Variants in TENM4 observed in about 807,000 individuals in gnomAD.
TENM4 encodes teneurin transmembrane protein 4, also known as teneurin-4.
A neutral mutation model predicts 243.3 loss-of-function variants in TENM4; 82 were observed. The observed-to-expected ratio is 0.34, with a 90% CI of 0.28 to 0.40. TENM4 has a LOEUF of 0.40. Ranked by LOEUF, TENM4 falls within the 10% of genes least tolerant of loss-of-function variation. The probability of loss-of-function intolerance (pLI) is 1.00; values close to 1 mark genes in which losing one functional copy is unlikely to be tolerated. For missense variants in TENM4, 3,138 were observed against 3,673.3 expected (o/e 0.85, Z 3.77); for synonymous variants, 1,412 against 1,456.3 (o/e 0.97, Z 0.69).
In TENM4 at chr11:79,244,193, G is replaced by A. The variant is rs183850467; in HGVS notation, c.-264-28284C>T. Among the ~76,000 whole-genome samples the A allele has an allele frequency of 2.6e-4, 40 of 152,324 alleles. No homozygotes were observed. In the East Asian group the frequency reaches 7.3e-3, roughly 28 times the overall value. On this transcript the variant is annotated intron_variant, in intron 2 of 33. Transcript: ENST00000278550. Reference sequence around the variant, plus strand: ...AACTTGCATTTTATAAAAGTCCCAGGTGAGGCTAATGCTCCTGGCTCGGGG... The same window carrying A: ...AACTTGCATTTTATAAAAGTCCCAGATGAGGCTAATGCTCCTGGCTCGGGG...
chr11:79,091,327 TC>T (rs1860944158), intron 4 of TENM4, among the ~76,000 whole-genome samples: 1 of 152,208 alleles, frequency 6.6e-6, no homozygotes, highest in Admixed American at 6.5e-5. Flanking sequence ...AAGAAGTCCG[TC>T]ATAAATGGCT....
At chr11:79,224,996 T>C (rs1363674013) in intron 2 of TENM4, among the ~76,000 whole-genome samples, 3 of 150,742 alleles carry the variant, frequency 2.0e-5, no homozygotes, top group African/African-American at 7.3e-5. Context: ...GAGACAGATA[T>C]ACACACAGGG....
intron 1 of TENM4, among the ~76,000 whole-genome samples, chr11:79,425,138 C>T (rs568659645): frequency 6.6e-6 from 1 of 152,162 alleles, no homozygotes; most frequent in Non-Finnish European, 1.5e-5. Context: ...CAGAGCCCAG[C>T]TCACTCCGCA....
chr11:79,080,402 C>T (rs1266723366), intron 4 of TENM4, among the ~76,000 whole-genome samples: 1 of 152,198 alleles, frequency 6.6e-6, no homozygotes, highest in Non-Finnish European at 1.5e-5. Flanking sequence ...GGTAGGGGGG[C>T]ACTGCATCAG....
At chr11:79,354,021 C>G (rs1857457723) in intron 1 of TENM4, among the ~76,000 whole-genome samples, 1 of 152,224 alleles carries the variant, frequency 6.6e-6, no homozygotes, top group Admixed American at 6.5e-5. Context: ...AACCTAGACT[C>G]ACCGCTTTTC....
Position 79,400,427 on chromosome 11 carries a change from C to T in TENM4, c.-321+40082G>A, listed in dbSNP as rs1014648900. 9.9e-5 allele frequency among the ~76,000 whole-genome samples: 15 copies of T among 152,152 alleles called. 1 individual carries two copies. The highest frequency in any genetic ancestry group is 9.2e-4 in the Admixed American group (14 of 15,280). On this transcript the variant is annotated intron_variant, in intron 1 of 33. Coordinates refer to ENST00000278550, the MANE Select transcript of TENM4 (RefSeq NM_001098816.3). Reference sequence around the variant, plus strand: ...CACAGACTTTGTGAAGGGCTTTGTGCCTTCGGGGCTAAACTCCTCTATGCT... The same window carrying T: ...CACAGACTTTGTGAAGGGCTTTGTGTCTTCGGGGCTAAACTCCTCTATGCT...
chr11:79,082,938 G>A (rs1274818551), intron 4 of TENM4, among the ~76,000 whole-genome samples: 2 of 152,118 alleles, frequency 1.3e-5, no homozygotes, highest in Non-Finnish European at 2.9e-5. Context: ...GGGTGGCCAG[G>A]CAACTTTTAT....
chr11:79,153,509 G>A (rs1000536332), intron 3 of TENM4, among the ~76,000 whole-genome samples: 43 of 152,130 alleles, frequency 2.8e-4, no homozygotes, highest in Admixed American at 2.1e-3. Context: ...CCCGACTTGG[G>A]TAAGGAGCAC....
intron 6 of TENM4, among the ~76,000 whole-genome samples, chr11:78,918,158 G>C (rs1856363725): frequency 6.6e-6 from 1 of 152,070 alleles, no homozygotes; most frequent in Non-Finnish European, 1.5e-5. Flanking sequence ...CGTTTCACCT[G>C]GCATGCAGTA....
intron 20 of TENM4, among the ~76,000 whole-genome samples, chr11:78,733,120 A>T (rs1192623427): frequency 6.6e-6 from 1 of 152,204 alleles, no homozygotes; most frequent in Non-Finnish European, 1.5e-5. Context: ...CTTAGCTCTA[A>T]TTGTGATAGA....
At chr11:79,323,833 G>A (rs77896310) in intron 1 of TENM4, among the ~76,000 whole-genome samples, 1,955 of 152,102 alleles carry the variant, frequency 0.013, 47 homozygotes, top group African/African-American at 0.045. Flanking sequence ...TCCTACAATC[G>A]TGTGAGTCAA....
chr11:79,240,559 A>G (rs1864570601), intron 2 of TENM4, among the ~76,000 whole-genome samples: 1 of 152,174 alleles, frequency 6.6e-6, no homozygotes, highest in East Asian at 1.9e-4. Flanking sequence ...CACACAACTA[A>G]TAAATGGTAA....
At chr11:79,113,952 G>A (rs1368480937) in intron 4 of TENM4, among the ~76,000 whole-genome samples, 3 of 152,166 alleles carry the variant, frequency 2.0e-5, no homozygotes, top group Non-Finnish European at 4.4e-5. Flanking sequence ...ATGAGTTAAG[G>A]GAATTCATGA....
intron 15 of TENM4, 68 bp from the exon 16 acceptor site, chr11:78,787,151 G>T: frequency 6.9e-7 from 1 of 1,455,582 alleles, no homozygotes. Context: ...AGAGGGGCAG[G>T]GGAGAGAGGA....
At chr11:78,986,015 G>A (rs1288133778) in intron 6 of TENM4, among the ~76,000 whole-genome samples, 1 of 152,192 alleles carries the variant, frequency 6.6e-6, no homozygotes, top group Non-Finnish European at 1.5e-5. Context: ...GGTGTATCAA[G>A]AGATGAAGCA....
At chr11:79,111,334 A>G (rs748243974) in intron 4 of TENM4, among the ~76,000 whole-genome samples, 14 of 152,168 alleles carry the variant, frequency 9.2e-5, no homozygotes, top group Non-Finnish European at 1.6e-4. Flanking sequence ...TTACAAGGTC[A>G]GGAGATTGAG....
intron 3 of TENM4, chr11:79,193,016 C>G (rs960490915): frequency 2.6e-5 from 4 of 152,468 alleles, no homozygotes; most frequent in Admixed American, 6.5e-5. Flanking sequence ...TCCCCTTCCT[C>G]TCCAGCCTCC....
intron 1 of TENM4, among the ~76,000 whole-genome samples, chr11:79,299,737 G>A (rs1009157964): frequency 2.0e-5 from 3 of 152,170 alleles, no homozygotes; most frequent in South Asian, 2.1e-4. Context: ...ATCCCAACCC[G>A]GTCAGGGGAA....
At chr11:79,171,336 G>T (rs1863034786) in intron 3 of TENM4, among the ~76,000 whole-genome samples, 1 of 152,220 alleles carries the variant, frequency 6.6e-6, no homozygotes, top group Admixed American at 6.5e-5. Context: ...AGAAGGAAAG[G>T]CAGCTGGAAA....
Sources: allele counts gnomAD v4.1 joint callset (sites outside exome capture counted in the v4.1 genomes callset), GRCh38; gene constraint gnomAD v4.1.1; transcripts MANE v1.5; gene names NCBI Gene and HGNC (gene_info 2026-07-23, HGNC 2026-07-21).